SCN8A: variants seen among roughly 807,000 people sequenced by gnomAD.
SCN8A encodes the protein sodium voltage-gated channel alpha subunit 8, also known as sodium channel protein type 8 subunit alpha.
A neutral mutation model predicts 184.1 loss-of-function variants in SCN8A; 30 were observed. That is an observed-to-expected ratio of 0.16 (90% confidence interval 0.12 to 0.22). The LOEUF (loss-of-function observed/expected upper bound fraction) is 0.22. Ranked by LOEUF, SCN8A falls within the 10% of genes least tolerant of loss-of-function variation. The probability of loss-of-function intolerance (pLI) is 1.00; values close to 1 mark genes in which losing one functional copy is unlikely to be tolerated. For synonymous variants in SCN8A, 852 were observed against 907.0 expected, an observed-to-expected ratio of 0.94 and a Z score of 1.09; for missense variants, 1,057 against 2,498.9, an observed-to-expected ratio of 0.42 and a Z score of 12.30.
At chr12:51,687,340 C>A in intron 5 of SCN8A, 121 bp downstream of exon 5, 1 of 1,106,828 alleles carries the variant, frequency 9.0e-7, no homozygotes, top group Non-Finnish European at 1.3e-6. Flanking sequence ...TAATGGATAA[C>A]CATGTAAGGC....
At chr12:51,644,173 A>G (rs1940512736) in intron 1 of SCN8A, among the ~76,000 whole-genome samples, 1 of 152,210 alleles carries the variant, frequency 6.6e-6, no homozygotes, top group Non-Finnish European at 1.5e-5. Context: ...TCATTAGTTA[A>G]GTGTTATGAT....
At chr12:51,667,752 A>G (rs1941059822) in intron 2 of SCN8A, among the ~76,000 whole-genome samples, 1 of 152,108 alleles carries the variant, frequency 6.6e-6, no homozygotes, top group African/African-American at 2.4e-5. Flanking sequence ...ATCCCTTTTT[A>G]ATTTCTTAGA....
At chr12:51,622,165 A>G (rs1464394915) in intron 1 of SCN8A, among the ~76,000 whole-genome samples, 1 of 152,178 alleles carries the variant, frequency 6.6e-6, no homozygotes, top group African/African-American at 2.4e-5. Context: ...TCAACTTTTT[A>G]TTTTGGAATA....
Position 51,769,137 on chromosome 12 carries a change from C to T in SCN8A, c.3174C>T (p.Asp1058=). The part of the protein sequence containing the change: ...HTGADIHRNG[D]FQKNGNGTTS... The stretch of plus-strand genomic sequence containing the variant: ...GTGCAGACATCCACCGGAATGGTGA[C>T]TTCCAGAAGAATGGCAATGGCACAA... Residue 1058 remains aspartate, a synonymous_variant, in exon 17 of 27, where the codon GAC becomes GAT. Coordinates refer to ENST00000627620, the MANE Select transcript of SCN8A (RefSeq NM_001330260.2). 6.2e-7 allele frequency: 1 copy of T among 1,613,396 alleles called. No individual in the cohort carries two copies. Among genetic ancestry groups the T allele is most frequent in the South Asian group, 1.1e-5 (1 of 90,950 alleles).
intron 14 of SCN8A, 38 bp from the exon 15 acceptor site, chr12:51,762,465 C>T (rs1282321832): frequency 1.3e-6 from 2 of 1,573,980 alleles, no homozygotes; most frequent in Non-Finnish European, 1.7e-6. Context: ...TCTCTTTCTA[C>T]TATTTATTTT....
chr12:51,791,061 G>A (rs563885463), intron 25 of SCN8A, among the ~76,000 whole-genome samples: 2 of 152,218 alleles, frequency 1.3e-5, no homozygotes, highest in South Asian at 2.1e-4. Context: ...TGTTCCATTG[G>A]TGATGGTTGT....
At position 51,721,576 on chromosome 12, in the gene SCN8A, C is replaced by A; in HGVS notation, c.1666C>A (p.Leu556Ile). ...SLLSIPGSPF[L>I]SRHNSKSSIF... Reference sequence around the variant, plus strand: ...GCTCAGCATCCCAGGCTCGCCCTTCCTCTCCCGCCACAACAGCAAGAGCAG... The same window carrying A: ...GCTCAGCATCCCAGGCTCGCCCTTCATCTCCCGCCACAACAGCAAGAGCAG... Residue 556 changes from leucine (L) to isoleucine (I), a missense_variant, in exon 12 of 27, where the codon CTC becomes ATC. Physicochemically the swap from Leu to Ile is conservative, Grantham distance 5. This residue lies in a region of SCN8A where 322 missense variants were observed against 390.1 expected (regional missense o/e 0.83). Transcript: ENST00000627620. 2 of 1,605,436 alleles carry A rather than the reference C, an allele frequency of 1.2e-6. No individual in the cohort carries two copies. The highest frequency in any genetic ancestry group is 2.2e-5 in the East Asian group (1 of 44,552).
chr12:51,732,664 T>G (rs1942262058), intron 12 of SCN8A, among the ~76,000 whole-genome samples: 1 of 152,188 alleles, frequency 6.6e-6, no homozygotes, highest in African/African-American at 2.4e-5. Flanking sequence ...TTGACTAATA[T>G]GAACATTTTA....
intron 12 of SCN8A, among the ~76,000 whole-genome samples, chr12:51,736,416 A>G (rs1942327106): frequency 6.6e-6 from 1 of 152,274 alleles, no homozygotes; most frequent in Non-Finnish European, 1.5e-5. Flanking sequence ...AAATAGAGTT[A>G]GGTTACAGTC....
At chr12:51,644,887 C>T (rs1366022202) in intron 1 of SCN8A, among the ~76,000 whole-genome samples, 16 of 151,928 alleles carry the variant, frequency 1.1e-4, no homozygotes, top group African/African-American at 3.1e-4. Flanking sequence ...GCCTGGCAAC[C>T]GCCCCGTCTG....
At chr12:51,653,419 T>G (rs1375080141) in intron 1 of SCN8A, among the ~76,000 whole-genome samples, 3 of 152,246 alleles carry the variant, frequency 2.0e-5, no homozygotes, top group Non-Finnish European at 4.4e-5. Context: ...ATAAGTGGAA[T>G]CATACAATAT....
At chr12:51,728,027 C>T (rs903720783) in intron 12 of SCN8A, among the ~76,000 whole-genome samples, 5 of 152,102 alleles carry the variant, frequency 3.3e-5, no homozygotes, top group Non-Finnish European at 7.4e-5. Flanking sequence ...GGGAAGAGGG[C>T]CTGCTCACCC....
At chr12:51,713,426 G>C (rs1357184392) in intron 11 of SCN8A, 2 of 805,234 alleles carry the variant, frequency 2.5e-6, no homozygotes, top group Non-Finnish European at 4.4e-6. Context: ...CAATCTGTGA[G>C]TGTGCCCCAT....
At chr12:51,670,336 AC>A (rs1458296298) in intron 2 of SCN8A, among the ~76,000 whole-genome samples, 1 of 152,190 alleles carries the variant, frequency 6.6e-6, no homozygotes, top group Non-Finnish European at 1.5e-5. Context: ...ATGCTATTTA[AC>A]CATTTAAGGT....
chr12:51,802,522 G>T (rs571552963), intron 26 of SCN8A, among the ~76,000 whole-genome samples: 2 of 152,180 alleles, frequency 1.3e-5, no homozygotes, highest in African/African-American at 4.8e-5. Context: ...AGCCACTTGC[G>T]TGGTAAGAAC....
intron 11 of SCN8A, among the ~76,000 whole-genome samples, chr12:51,717,254 T>C (rs187265725): frequency 2.5e-4 from 38 of 152,348 alleles, no homozygotes; most frequent in East Asian, 5.8e-4. Context: ...CAAGTACATC[T>C]TAAGACACCA....
At chr12:51,610,407 A>G (rs1000876083) in intron 1 of SCN8A, among the ~76,000 whole-genome samples, 2 of 152,158 alleles carry the variant, frequency 1.3e-5, no homozygotes, top group Non-Finnish European at 2.9e-5. Context: ...CGTTGCATTC[A>G]TCGTGCATTT....
intron 1 of SCN8A, among the ~76,000 whole-genome samples, chr12:51,609,627 C>T (rs554789328): frequency 6.6e-6 from 1 of 152,256 alleles, no homozygotes; most frequent in African/African-American, 2.4e-5. Context: ...CAGTGGCTCA[C>T]GCCTGTAATC....
chr12:51,745,915 G>C lies in SCN8A; in HGVS notation c.2011G>C (p.Val671Leu), dbSNP rs781261493. The C allele has an allele frequency of 6.3e-7, 1 of 1,588,014 alleles. No individual in the cohort carries two copies. Among genetic ancestry groups the C allele is most frequent in the Non-Finnish European group, 8.5e-7 (1 of 1,171,536 alleles). ...GRLLPEATTEVEIKKKGPGSL... is the reference protein window; with the variant it reads ...GRLLPEATTELEIKKKGPGSL... ...TTTTTTTTTAAAGGCTACAACTGAG[G>C]TGGAAATTAAGAAGAAAGGCCCTGG... is the stretch of plus-strand genomic sequence containing the variant. Residue 671 changes from valine to leucine, a missense_variant, in exon 13 of 27, where the codon GTG (valine) becomes CTG (leucine). Physicochemically the swap from Val to Leu is conservative, Grantham distance 32 (BLOSUM62 1). Coordinates refer to ENST00000627620, the MANE Select transcript of SCN8A (RefSeq NM_001330260.2).
Sources: allele counts gnomAD v4.1 joint callset (sites outside exome capture counted in the v4.1 genomes callset), GRCh38; gene constraint gnomAD v4.1.1; regional missense constraint gnomAD v4.1.1; transcripts MANE v1.5; gene names NCBI Gene and HGNC (gene_info 2026-07-23, HGNC 2026-07-21).